The following PCDH15 variants were observed in gnomAD, a reference collection of about 807,000 sequenced individuals.
PCDH15 encodes the protein protocadherin-15.
Under a neutral mutation model 178.5 loss-of-function variants are expected in PCDH15, and 129 were observed. That is an observed-to-expected ratio of 0.72 (90% CI 0.63 to 0.84). The LOEUF (loss-of-function observed/expected upper bound fraction) is 0.84, where lower values mean the gene tolerates loss of function less well. Ranked by LOEUF, PCDH15 falls within the 40% of genes least tolerant of loss-of-function variation. The pLI, the probability that PCDH15 is intolerant of heterozygous loss-of-function variation, is 0.00. For missense variants in PCDH15, 2,230 were observed against 2,099.9 expected (o/e 1.06, Z -1.21); for synonymous variants, 800 against 732.0 (o/e 1.09, Z -1.50).
At chr10:53,975,944 G>T (rs987584086) in intron 21 of PCDH15, among the ~76,000 whole-genome samples, 1 of 152,038 alleles carries the variant, frequency 6.6e-6, no homozygotes, top group Non-Finnish European at 1.5e-5. Flanking sequence ...AAAAATTTTT[G>T]TATGTGGTTG....
At chr10:54,165,025 A>G (rs1315680182) in intron 13 of PCDH15, among the ~76,000 whole-genome samples, 1 of 152,206 alleles carries the variant, frequency 6.6e-6, no homozygotes. Context: ...TGGAAAAATG[A>G]TATAATGGGT....
intron 1 of PCDH15, among the ~76,000 whole-genome samples, chr10:55,300,728 A>T (rs1251092819): frequency 6.6e-6 from 1 of 152,180 alleles, no homozygotes; most frequent in Admixed American, 6.5e-5. Flanking sequence ...ATCACACAAC[A>T]TGCTGAACAC....
intron 3 of PCDH15, among the ~76,000 whole-genome samples, chr10:54,469,182 C>T (rs1046980152): frequency 2.6e-5 from 4 of 152,100 alleles, no homozygotes; most frequent in Non-Finnish European, 4.4e-5. Context: ...CTGCAAATTC[C>T]ACCTCCAAGG....
chr10:54,877,627 T>C (rs1035156846), intron 3 of PCDH15, among the ~76,000 whole-genome samples: 7 of 152,142 alleles, frequency 4.6e-5, no homozygotes, highest in African/African-American at 1.7e-4. Flanking sequence ...TGAGCATATA[T>C]GCACATACAA....
At chr10:54,649,666 T>C (rs1357861022) in intron 2 of PCDH15, among the ~76,000 whole-genome samples, 1 of 152,110 alleles carries the variant, frequency 6.6e-6, no homozygotes, top group Non-Finnish European at 1.5e-5. Flanking sequence ...TGTGTGTGTG[T>C]GAGTAAATTT....
chr10:55,202,820 T>C (rs61851067), intron 1 of PCDH15, among the ~76,000 whole-genome samples: 39,886 of 152,058 alleles, frequency 0.26, 5,496 homozygotes, highest in Middle Eastern at 0.35. Context: ...AGTTCCTGCT[T>C]CGCTATTCTC....
chr10:55,122,605 G>A (rs1308218050), intron 2 of PCDH15, among the ~76,000 whole-genome samples: 1 of 152,068 alleles, frequency 6.6e-6, no homozygotes, highest in African/African-American at 2.4e-5. Context: ...ATTTATCATC[G>A]ACTGGAATGC....
At chr10:54,338,687 G>A (rs1169433865) in intron 6 of PCDH15, among the ~76,000 whole-genome samples, 2 of 152,244 alleles carry the variant, frequency 1.3e-5, no homozygotes, top group South Asian at 2.1e-4. Context: ...AGCTGCTTAT[G>A]CATATTGCTT....
intron 25 of PCDH15, among the ~76,000 whole-genome samples, chr10:53,925,086 C>T (rs564298784): frequency 1.1e-4 from 16 of 152,276 alleles, no homozygotes; most frequent in African/African-American, 3.6e-4. Context: ...CAGACTGCCC[C>T]AGCTAGCTGT....
At chr10:54,344,919 A>C (rs1193761901) in intron 6 of PCDH15, among the ~76,000 whole-genome samples, 2 of 147,884 alleles carry the variant, frequency 1.4e-5, no homozygotes, top group African/African-American at 2.4e-5. Context: ...AAAAAAAAAA[A>C]AAAAAAACAA....
At chr10:54,661,879 A>G (rs373224864) in intron 2 of PCDH15, among the ~76,000 whole-genome samples, 7 of 151,978 alleles carry the variant, frequency 4.6e-5, no homozygotes, top group South Asian at 4.1e-4. Flanking sequence ...CTTCACTCCT[A>G]TCTCTCACCA....
intron 3 of PCDH15, among the ~76,000 whole-genome samples, chr10:54,516,514 AG>A (rs1197159992): frequency 1.3e-5 from 2 of 152,110 alleles, no homozygotes; most frequent in Non-Finnish European, 2.9e-5. Context: ...TAGAGAAAAA[AG>A]AATAAAAAGA....
intron 2 of PCDH15, among the ~76,000 whole-genome samples, chr10:55,446,622 G>A (rs993486028): frequency 5.9e-5 from 9 of 152,056 alleles, no homozygotes; most frequent in Non-Finnish European, 1.2e-4. Context: ...GCATACTTGC[G>A]ATGGTCTCAT....
chr10:54,102,397 GTGTTAATTTGCTC>G (rs2094829406), intron 15 of PCDH15, among the ~76,000 whole-genome samples: 1 of 152,232 alleles, frequency 6.6e-6, no homozygotes, highest in South Asian at 2.1e-4. Context: ...ACCAGGAGAT[GTGTTAATTTGCTC>G]AAGCAATGAA....
In PCDH15 at chr10:54,528,451, G is replaced by C. The variant is rs758449307; in HGVS notation, c.92-574C>G. On this transcript the variant is annotated intron_variant, in intron 2 of 37. Coordinates refer to ENST00000644397, the MANE Select transcript of PCDH15 (RefSeq NM_001384140.1). ...TCAATGGAAGCAGATCAGAAAAATGGAAGAAAGAAAGGAAGAGAGAATATA... is the reference window on the plus strand; with the variant it reads ...TCAATGGAAGCAGATCAGAAAAATGCAAGAAAGAAAGGAAGAGAGAATATA... 12 of 1,470,936 alleles carry C rather than the reference G, an allele frequency of 8.2e-6. No individual in the cohort carries two copies. In the East Asian group the frequency reaches 1.4e-4, roughly 18 times the overall value. 91.1% of individuals were successfully genotyped at this position (1,470,936 alleles called of 1,614,324 possible).
chr10:54,097,358 G>C (rs1044214200), intron 15 of PCDH15, among the ~76,000 whole-genome samples: 1 of 152,158 alleles, frequency 6.6e-6, no homozygotes, highest in Admixed American at 6.5e-5. Flanking sequence ...TATCAGGTGT[G>C]TCTAAACTTC....
At chr10:54,911,432 T>C (rs149960866) in intron 2 of PCDH15, among the ~76,000 whole-genome samples, 4 of 152,300 alleles carry the variant, frequency 2.6e-5, no homozygotes, top group African/African-American at 9.6e-5. Context: ...CAAAGAATGA[T>C]AACAGACATA....
At chr10:54,673,845 T>C (rs1420745375) in intron 1 of PCDH15, among the ~76,000 whole-genome samples, 1 of 152,246 alleles carries the variant, frequency 6.6e-6, no homozygotes, top group Admixed American at 6.5e-5. Context: ...ATTTGTTTTC[T>C]ATATAGCTTT....
chr10:55,364,833 C>G (rs1165755845), intron 2 of PCDH15, among the ~76,000 whole-genome samples: 1 of 151,890 alleles, frequency 6.6e-6, no homozygotes, highest in Non-Finnish European at 1.5e-5. Flanking sequence ...CACATTCTGC[C>G]CTCTTTTGTC....
Sources: gnomAD v4.1 joint callset for allele counts (sites outside exome capture counted in the v4.1 genomes callset) on GRCh38, gnomAD v4.1.1 for gene constraint, MANE v1.5 for transcripts, NCBI Gene and HGNC (gene_info 2026-07-23, HGNC 2026-07-21) for gene names.